The following LRP1B variants were observed in gnomAD, a reference collection of about 807,000 sequenced individuals.
LRP1B encodes the protein LDL receptor related protein 1B.
In LRP1B, 217 loss-of-function variants were observed where a neutral mutation model predicts 556.6. The ratio of observed to expected loss-of-function variants is 0.39; its 90% CI spans 0.35 to 0.44. The LOEUF (loss-of-function observed/expected upper bound fraction) is 0.44, where lower values mean the gene tolerates loss of function less well. Ranked by LOEUF, LRP1B falls within the 20% of genes least tolerant of loss-of-function variation. The pLI is 1.00. For missense variants in LRP1B, 5,053 were observed against 5,620.8 expected, an observed-to-expected ratio of 0.90 and a Z score of 3.23; for synonymous variants, 2,047 against 1,865.8, an observed-to-expected ratio of 1.10 and a Z score of -2.50.
At chr2:141,470,822 A>G (rs1265281684) in intron 3 of LRP1B, among the ~76,000 whole-genome samples, 1 of 152,252 alleles carries the variant, frequency 6.6e-6, no homozygotes, top group Non-Finnish European at 1.5e-5. Flanking sequence ...ATATTAAAAC[A>G]ATGATATATT....
chr2:141,463,585 T>C (rs1275541428), intron 3 of LRP1B, among the ~76,000 whole-genome samples: 6 of 97,610 alleles, frequency 6.1e-5, no homozygotes, highest in African/African-American at 2.7e-4. Context: ...TATATAATTA[T>C]ATATAATATA....
intron 35 of LRP1B, among the ~76,000 whole-genome samples, chr2:140,739,420 C>T (rs1688062284): frequency 1.3e-5 from 2 of 151,492 alleles, no homozygotes; most frequent in Non-Finnish European, 2.9e-5. Context: ...GGAATCAGAG[C>T]ACCAAAAGCT....
At chr2:140,682,258 T>C (rs538475265) in intron 41 of LRP1B, among the ~76,000 whole-genome samples, 33 of 152,308 alleles carry the variant, frequency 2.2e-4, no homozygotes, top group African/African-American at 7.5e-4. Flanking sequence ...TGCTGTATAA[T>C]TCTGTCTATA....
At chr2:141,780,377 C>T (rs1695215669) in intron 2 of LRP1B, among the ~76,000 whole-genome samples, 1 of 151,876 alleles carries the variant, frequency 6.6e-6, no homozygotes. Flanking sequence ...AGCTATTTCC[C>T]TTTGGGATTT....
chr2:140,465,210 C>A (rs577210204), intron 60 of LRP1B, among the ~76,000 whole-genome samples: 1 of 152,158 alleles, frequency 6.6e-6, no homozygotes, highest in South Asian at 2.1e-4. Context: ...TGCCACACAC[C>A]TTTAAATGAC....
At chr2:140,395,655 G>C (rs1243655149) in intron 66 of LRP1B, among the ~76,000 whole-genome samples, 1 of 152,174 alleles carries the variant, frequency 6.6e-6, no homozygotes, top group East Asian at 1.9e-4. Context: ...ATAGAGAAGA[G>C]AAAGTCTTAT....
chr2:141,792,485 C>T (rs556844585), intron 2 of LRP1B, among the ~76,000 whole-genome samples: 3 of 152,020 alleles, frequency 2.0e-5, no homozygotes, highest in Admixed American at 2.0e-4. Context: ...ATCAGAGAGT[C>T]AGTTATTTAA....
At chr2:141,423,217 T>C (rs1680206215) in intron 3 of LRP1B, among the ~76,000 whole-genome samples, 1 of 151,854 alleles carries the variant, frequency 6.6e-6, no homozygotes. Flanking sequence ...CATTGGCTGA[T>C]GTACATGACT....
chr2:140,452,182 T>C (rs775266604), intron 62 of LRP1B, among the ~76,000 whole-genome samples: 3 of 152,152 alleles, frequency 2.0e-5, no homozygotes, highest in Non-Finnish European at 4.4e-5. Context: ...TGAGACAGAG[T>C]AATTATTGTT....
intron 6 of LRP1B, among the ~76,000 whole-genome samples, chr2:141,203,111 C>T (rs1417030268): frequency 1.3e-5 from 2 of 152,172 alleles, no homozygotes; most frequent in African/African-American, 4.8e-5. Flanking sequence ...AACATCAACA[C>T]TATGAAGAAA....
chr2:141,643,576 T>A (rs1689425069), intron 2 of LRP1B, among the ~76,000 whole-genome samples: 1 of 152,182 alleles, frequency 6.6e-6, no homozygotes, highest in Non-Finnish European at 1.5e-5. Flanking sequence ...TACACATAAG[T>A]ACAAACTAGT....
chr2:140,849,403 CAAAATCCA>C (rs748534729), intron 29 of LRP1B, among the ~76,000 whole-genome samples: 26 of 121,458 alleles, frequency 2.1e-4, no homozygotes, highest in Non-Finnish European at 2.5e-4. Flanking sequence ...AAACAAAAAA[CAAAATCCA>C]AAAAAAAAAA....
intron 2 of LRP1B, among the ~76,000 whole-genome samples, chr2:141,729,305 TC>T (rs78397519): frequency 0.039 from 5,428 of 140,400 alleles, 303 homozygotes; most frequent in African/African-American, 0.12. Flanking sequence ...GCTATGCTAT[TC>T]TTTTTTTTTA....
chr2:140,438,597 G>T (rs1686291782), intron 66 of LRP1B, among the ~76,000 whole-genome samples: 1 of 152,166 alleles, frequency 6.6e-6, no homozygotes, highest in Non-Finnish European at 1.5e-5. Context: ...TGTTCTCAGT[G>T]TCATGTTGGG....
chr2:141,447,843 G>A (rs774398426), intron 3 of LRP1B, among the ~76,000 whole-genome samples: 1 of 152,294 alleles, frequency 6.6e-6, no homozygotes, highest in South Asian at 2.1e-4. Context: ...TGTATGAGGT[G>A]TCTGTTGACC....
intron 32 of LRP1B, among the ~76,000 whole-genome samples, chr2:140,803,536 G>T (rs1329710423): frequency 6.6e-6 from 1 of 151,898 alleles, no homozygotes; most frequent in Non-Finnish European, 1.5e-5. Flanking sequence ...CTGATCTCGT[G>T]ATCCACTCGC....
chr2:140,419,778 C>A (rs1685354347), intron 66 of LRP1B, among the ~76,000 whole-genome samples: 1 of 152,100 alleles, frequency 6.6e-6, no homozygotes, highest in South Asian at 2.1e-4. Flanking sequence ...GAGGCCAAAG[C>A]AAGTGGATCA....
chr2:141,294,739 C>CAA (rs10700407), intron 3 of LRP1B, among the ~76,000 whole-genome samples: 29,517 of 139,032 alleles, frequency 0.21, 3,386 homozygotes, highest in African/African-American at 0.31. Flanking sequence ...GATTCTGTCT[C>CAA]AAAAAAAAAA....
rs1336428843 is a variant in LRP1B, at chr2:140,661,738, T to C, written c.6799+38512A>G. The stretch of plus-strand genomic sequence containing the variant: ...AATGTAGACAGTTCTGGACTAATTG[T>C]CCTCTGGTAATTACTCAATACTTAT... On this transcript the variant is annotated intron_variant, in intron 41 of 90. Coordinates refer to ENST00000389484, the MANE Select transcript of LRP1B (RefSeq NM_018557.3). Among the ~76,000 whole-genome samples, 4 of 152,182 alleles carry C rather than the reference T, an allele frequency of 2.6e-5. No homozygotes were observed. In the East Asian group the frequency reaches 7.7e-4, roughly 29 times the overall value.
Sources: gnomAD v4.1 joint callset for allele counts (sites outside exome capture counted in the v4.1 genomes callset) on GRCh38, gnomAD v4.1.1 for gene constraint, MANE v1.5 for transcripts, NCBI Gene and HGNC (gene_info 2026-07-23, HGNC 2026-07-21) for gene names.